Variants in AP3S2 observed in about 807,000 individuals in gnomAD.
AP3S2 encodes the protein adaptor related protein complex 3 subunit sigma 2.
In AP3S2, 22 loss-of-function variants were observed where a neutral mutation model predicts 23.4. The ratio of observed to expected loss-of-function variants is 0.94; its 90% CI spans 0.67 to 1.34. The LOEUF is 1.34. Among genes scored for constraint, AP3S2 ranks in the 40% most tolerant of loss-of-function variants. AP3S2 has a pLI of 0.00. For synonymous variants in AP3S2, 86 were observed against 87.1 expected (o/e 0.99, Z 0.07); for missense variants, 241 against 236.9 (o/e 1.02, Z -0.11).
intron 4 of AP3S2, 85 bp downstream of exon 4, chr15:89,871,390 T>A (rs117392899): frequency 0.033 from 41,129 of 1,241,586 alleles, 845 homozygotes; most frequent in Non-Finnish European, 0.039. Flanking sequence ...AGAAACAATA[T>A]GAAGATGTAG....
At position 89,836,544 on chromosome 15, in the gene AP3S2, A is replaced by T. The variant is rs563858156; in HGVS notation, c.454-901T>A. Among the ~76,000 whole-genome samples, 9 of 152,282 alleles carry T rather than the reference A, an allele frequency of 5.9e-5. No individual in the cohort carries two copies. In the South Asian group the frequency reaches 1.9e-3, roughly 32 times the overall value. On this transcript the variant is annotated intron_variant, in intron 5 of 5. Coordinates refer to ENST00000336418, the MANE Select transcript of AP3S2 (RefSeq NM_005829.5). Reference sequence around the variant, plus strand: ...GTGGGGGGTATCACAGATAAAGAAGAGCTGGTGACAAAACGCAAAGAGTAT... The same window carrying T: ...GTGGGGGGTATCACAGATAAAGAAGTGCTGGTGACAAAACGCAAAGAGTAT...
chr15:89,890,267 C>G (rs895795917), intron 1 of AP3S2, among the ~76,000 whole-genome samples: 1 of 152,166 alleles, frequency 6.6e-6, no homozygotes, highest in Non-Finnish European at 1.5e-5. Flanking sequence ...TCAGGCTGGT[C>G]TTGAACTCCT....
chr15:89,847,120 T>C (rs1341676659), intron 4 of AP3S2, among the ~76,000 whole-genome samples: 1 of 152,066 alleles, frequency 6.6e-6, no homozygotes, highest in African/African-American at 2.4e-5. Context: ...CTCATGCCTG[T>C]ATTCCCAGCA....
At chr15:89,844,223 CTTT>C (rs1344737983) in intron 4 of AP3S2, among the ~76,000 whole-genome samples, 1 of 38,146 alleles carries the variant, frequency 2.6e-5, no homozygotes, top group Non-Finnish European at 5.4e-5. Flanking sequence ...TTCTTTCTTT[CTTT>C]CTTTCTTTCT....
chr15:89,889,800 G>A (rs1051900709), intron 1 of AP3S2, among the ~76,000 whole-genome samples: 2 of 138,574 alleles, frequency 1.4e-5, no homozygotes, highest in African/African-American at 2.7e-5. Flanking sequence ...GGAAGCGGAG[G>A]TTACAGTGAG....
chr15:89,878,765 T>C (rs1003931597), intron 3 of AP3S2, among the ~76,000 whole-genome samples: 2 of 151,932 alleles, frequency 1.3e-5, no homozygotes, highest in Admixed American at 6.6e-5. Context: ...TTTGTTTTGA[T>C]ACAGGGTCTC....
intron 3 of AP3S2, chr15:89,877,247 CGGGATT>C (rs1567185241): frequency 9.0e-7 from 1 of 1,109,890 alleles, no homozygotes; most frequent in African/African-American, 1.6e-5. Context: ...TAAAGAGGAA[CGGGATT>C]GGGTTTCACA....
chr15:89,847,984 C>A (rs535430075), intron 4 of AP3S2, among the ~76,000 whole-genome samples: 1 of 152,086 alleles, frequency 6.6e-6, no homozygotes, highest in East Asian at 1.9e-4. Context: ...TCCATCTAAC[C>A]GAAAATTTCA....
chr15:89,845,057 C>T (rs907341375), intron 4 of AP3S2, among the ~76,000 whole-genome samples: 1 of 152,108 alleles, frequency 6.6e-6, no homozygotes, highest in Admixed American at 6.6e-5. Context: ...AGGCGCCCGC[C>T]ACCACGCCCA....
chr15:89,871,372 A>T, intron 4 of AP3S2, 103 bp downstream of exon 4: 1 of 1,131,218 alleles, frequency 8.8e-7, no homozygotes, highest in South Asian at 1.6e-5. Context: ...TAAGAGTAAA[A>T]AAAAACAAGA....
intron 3 of AP3S2, among the ~76,000 whole-genome samples, chr15:89,875,008 C>A (rs567311319): frequency 6.6e-6 from 1 of 152,246 alleles, no homozygotes; most frequent in African/African-American, 2.4e-5. Context: ...ATAAAAATAT[C>A]TAACAGATAT....
intron 1 of AP3S2, among the ~76,000 whole-genome samples, chr15:89,890,107 G>A (rs1006908786): frequency 2.0e-5 from 3 of 151,932 alleles, no homozygotes; most frequent in African/African-American, 7.3e-5. Flanking sequence ...TGCCCAGGCA[G>A]TGGTGTGATC....
At chr15:89,838,693 C>A (rs1300315910) in intron 4 of AP3S2, among the ~76,000 whole-genome samples, 1 of 152,136 alleles carries the variant, frequency 6.6e-6, no homozygotes, top group Non-Finnish European at 1.5e-5. Context: ...TGCCAAATGA[C>A]TGGGATAGTC....
At chr15:89,844,249 T>TTCTTTCTTTCTTTCTCTCTCTCTC (rs1809518639) in intron 4 of AP3S2, among the ~76,000 whole-genome samples, 2 of 50,190 alleles carry the variant, frequency 4.0e-5, no homozygotes, top group Non-Finnish European at 1.1e-4. Flanking sequence ...CTTTCTTTCT[T>TTCTTTCTTTCTTTCTCTCTCTCTC]TCTTTCTTTC....
chr15:89,863,027 A>G (rs1311446630), intron 4 of AP3S2, among the ~76,000 whole-genome samples: 1 of 152,178 alleles, frequency 6.6e-6, no homozygotes, highest in African/African-American at 2.4e-5. Flanking sequence ...TTCCTGATAG[A>G]GTGGGAAAAG....
chr15:89,858,453 GAAAAAGAAAGAAAGAAAGAA>G (rs1895895313), intron 4 of AP3S2, among the ~76,000 whole-genome samples: 1 of 114,816 alleles, frequency 8.7e-6, no homozygotes, highest in Non-Finnish European at 1.8e-5. Context: ...AAAAAAGAAA[GAAAAAGAAAGAAAGAAAGAA>G]AGAAAGAAAG....
At chr15:89,884,312 T>C (rs1596220608) in intron 3 of AP3S2, among the ~76,000 whole-genome samples, 1 of 152,206 alleles carries the variant, frequency 6.6e-6, no homozygotes, top group East Asian at 1.9e-4. Context: ...GGATAAATAC[T>C]ATTTGGACAC....
intron 3 of AP3S2, 49 bp from the exon 4 acceptor site, chr15:89,871,595 A>C: frequency 6.3e-7 from 1 of 1,586,188 alleles, no homozygotes; most frequent in Non-Finnish European, 8.6e-7. Context: ...GAACACATTC[A>C]CAGCTTTATC....
At chr15:89,868,427 T>C (rs1418212575) in intron 4 of AP3S2, among the ~76,000 whole-genome samples, 6 of 50,368 alleles carry the variant, frequency 1.2e-4, no homozygotes, top group African/African-American at 3.8e-4. Context: ...CCGCCCCGTC[T>C]GGGAGGTGAG....
Sources: allele counts gnomAD v4.1 joint callset (sites outside exome capture counted in the v4.1 genomes callset), GRCh38; gene constraint gnomAD v4.1.1; transcripts MANE v1.5; gene names NCBI Gene and HGNC (gene_info 2026-07-23, HGNC 2026-07-21).